The following MYO7B variants were observed in gnomAD, a reference collection of about 807,000 sequenced individuals.
MYO7B encodes the protein unconventional myosin-VIIb.
In MYO7B, 212 loss-of-function variants were observed where a neutral mutation model predicts 259.7. The ratio of observed to expected loss-of-function variants is 0.82; its 90% CI spans 0.73 to 0.91. The LOEUF (loss-of-function observed/expected upper bound fraction) is 0.91. MYO7B is among the 40% of genes least tolerant of loss of function. The pLI is 0.00. For missense variants in MYO7B, 2,732 were observed against 2,813.5 expected (o/e 0.97, Z 0.66); for synonymous variants, 1,197 against 1,166.4 (o/e 1.03, Z -0.54).
At position 127,626,964 on chromosome 2, in the gene MYO7B, T is replaced by TC. The variant is rs779784556; in HGVS notation, c.4216-5dup. 5.6e-6 allele frequency: 9 copies of TC among 1,604,380 alleles called. No homozygotes were observed. The highest frequency in any genetic ancestry group is 6.8e-6 in the Non-Finnish European group (8 of 1,175,196). ...CAGGTGACGGAGGTGACATCCAGGA[T>TC]CCCCCCTCAGGCCCCATACACTCAG... On this transcript the variant is annotated splice_polypyrimidine_tract_variant and intron_variant, in intron 31 of 47. Transcript: ENST00000409816.
chr2:127,603,677 G>A (rs187885284), intron 19 of MYO7B, among the ~76,000 whole-genome samples: 8 of 152,324 alleles, frequency 5.3e-5, no homozygotes, highest in African/African-American at 1.9e-4. Context: ...TGGTCAATTA[G>A]CATTGGCTTC....
chr2:127,577,364 C>T lies in MYO7B; in HGVS notation c.849+656C>T, dbSNP rs904827365. Among the ~76,000 whole-genome samples the T allele has an allele frequency of 6.6e-6, 1 of 152,196 alleles. No homozygotes were observed. Among genetic ancestry groups the T allele is most frequent in the Non-Finnish European group, 1.5e-5 (1 of 68,032 alleles). On this transcript the variant is annotated intron_variant, in intron 8 of 47. Coordinates refer to ENST00000409816, the MANE Select transcript of MYO7B (RefSeq NM_001393586.1). This position sits in a 1 kb window ranked among gnomAD's most constrained non-coding sequence, Gnocchi z 5.2. Reference sequence around the variant, plus strand: ...CCAGTCTTGACCTCTAATCTGTCATCTACCCTGCAGCCAAAGCACTCTTCC... The same window carrying T: ...CCAGTCTTGACCTCTAATCTGTCATTTACCCTGCAGCCAAAGCACTCTTCC...
chr2:127,621,831 A>G, intron 27 of MYO7B, 151 bp from the exon 28 acceptor site: 1 of 1,185,258 alleles, frequency 8.4e-7, no homozygotes, highest in South Asian at 1.4e-5. Flanking sequence ...TCAGAAACAC[A>G]CTGATCCATG....
In MYO7B at chr2:127,635,206, A is replaced by G. The variant is rs201922747; in HGVS notation, c.5800A>G (p.Thr1934Ala). Residue 1934 changes from threonine (T) to alanine (A), a missense_variant, in exon 43 of 48, where the codon ACC becomes GCC. Around this residue, in one of 3 missense-constraint regions of MYO7B, gnomAD observed 821 missense variants for 769.3 expected, o/e 1.07. Coordinates refer to ENST00000409816, the MANE Select transcript of MYO7B (RefSeq NM_001393586.1). Reference protein sequence around the residue: ...ISPGKDVNADTILHYHQELPK... With the variant: ...ISPGKDVNADAILHYHQELPK... ...TCCAGGGAAGGATGTGAATGCAGAC[A>G]CCATACTCCATTACCACCAGGTACC... 3.7e-5 allele frequency: 60 copies of G among 1,613,218 alleles called. No homozygotes were observed. The highest frequency in any genetic ancestry group is 4.8e-5 in the Non-Finnish European group (57 of 1,179,634).
rs1553444532 is a variant in MYO7B, at chr2:127,543,739, C to CCT, written c.-24+7908_-24+7909insCT. ...CTCTCTCTCTCTGTTTCTCTCTCTC[C>CCT]ATATATATATATATTTTTTTTTTGA... On this transcript the variant is annotated intron_variant, in intron 1 of 47. Coordinates refer to ENST00000409816, the MANE Select transcript of MYO7B (RefSeq NM_001393586.1). 1.5e-3 allele frequency among the ~76,000 whole-genome samples: 180 copies of CCT among 120,478 alleles called. 4 individuals carry two copies. The East Asian group carries it at 0.052, about 35-fold the overall frequency. 79.0% of individuals were successfully genotyped at this position (120,478 alleles called of 152,430 possible).
intron 1 of MYO7B, among the ~76,000 whole-genome samples, chr2:127,542,445 C>T (rs1157093163): frequency 6.6e-6 from 1 of 152,210 alleles, no homozygotes; most frequent in Non-Finnish European, 1.5e-5. Context: ...CCATGGCTGG[C>T]TCCCCACTGA....
chr2:127,617,761 C>G (rs1271750850), intron 26 of MYO7B, among the ~76,000 whole-genome samples: 1 of 151,728 alleles, frequency 6.6e-6, no homozygotes, highest in Non-Finnish European at 1.5e-5. Flanking sequence ...CTCGGCCTCC[C>G]AAAGTGCTGG....
At chr2:127,634,087 G>A in intron 40 of MYO7B, 89 bp from the exon 41 acceptor site, 2 of 1,047,234 alleles carry the variant, frequency 1.9e-6, no homozygotes, top group South Asian at 2.9e-5. Flanking sequence ...TTTCATGAAG[G>A]AGCAAAAGTG....
At chr2:127,580,292 A>G (rs749869803) in intron 9 of MYO7B, among the ~76,000 whole-genome samples, 17 of 152,266 alleles carry the variant, frequency 1.1e-4, no homozygotes, top group South Asian at 8.3e-4. Context: ...GACGGTTGCA[A>G]TAGAGCCAGG....
chr2:127,622,849 C>T (rs1345612712), intron 28 of MYO7B, among the ~76,000 whole-genome samples: 1 of 152,208 alleles, frequency 6.6e-6, no homozygotes, highest in Admixed American at 6.5e-5. Flanking sequence ...CCCAAGAGCT[C>T]CTGGTCTTCT....
chr2:127,624,076 C>T lies in MYO7B; in HGVS notation c.3820-17C>T, dbSNP rs1285886833. 1.9e-6 allele frequency: 3 copies of T among 1,545,790 alleles called. No homozygotes were observed. The Admixed American group carries it at 5.8e-5, about 30-fold the overall frequency. On this transcript the variant is annotated splice_polypyrimidine_tract_variant and intron_variant, in intron 29 of 47. Coordinates refer to ENST00000409816, the MANE Select transcript of MYO7B (RefSeq NM_001393586.1). Reference sequence around the variant, plus strand: ...ATGCAACAGCCGCTAACCCCTGCTCCCCGACTCTGGCCTCAGTTCTGGTCC... The same window carrying T: ...ATGCAACAGCCGCTAACCCCTGCTCTCCGACTCTGGCCTCAGTTCTGGTCC...
chr2:127,633,552 C>G (rs1436970628), intron 40 of MYO7B, among the ~76,000 whole-genome samples, 189 bp downstream of exon 40: 1 of 152,204 alleles, frequency 6.6e-6, no homozygotes, highest in African/African-American at 2.4e-5. Context: ...CTTTGGAAGT[C>G]AGGCCAGTCC....
At chr2:127,623,087 C>G in intron 28 of MYO7B, 115 bp from the exon 29 acceptor site, 4 of 1,280,004 alleles carry the variant, frequency 3.1e-6, no homozygotes, top group Non-Finnish European at 4.3e-6. Flanking sequence ...TGGGAACCCA[C>G]GGGATGGCAA....
chr2:127,559,849 T>C lies in MYO7B; in HGVS notation c.18+109T>C. Reference sequence around the variant, plus strand: ...AAGGCAATGAGACCCTATAGGAAAATACCAGAGACAGGGGAGTTTAGGAAA... The same window carrying C: ...AAGGCAATGAGACCCTATAGGAAAACACCAGAGACAGGGGAGTTTAGGAAA... On this transcript the variant is annotated intron_variant, in intron 2 of 47. Transcript: ENST00000409816. The surrounding 1 kb of genome is among the most constrained non-coding windows in gnomAD (Gnocchi z 4.1). 7.7e-7 allele frequency: 1 copy of C among 1,291,404 alleles called. No homozygotes were observed. Among genetic ancestry groups the C allele is most frequent in the Non-Finnish European group, 1.1e-6 (1 of 888,074 alleles). The allele number at this position is 1,291,404 out of a possible 1,614,324, so 80.0% of individuals were successfully genotyped here.
Position 127,636,862 on chromosome 2 carries a change from G to A in MYO7B, c.6276G>A (p.Met2092Ile). The change falls in exon 47 of 48, where the codon ATG becomes ATA. Residue 2092 changes from methionine (M) to isoleucine (I), a missense_variant. Around this residue, in one of 3 missense-constraint regions of MYO7B, gnomAD observed 821 missense variants for 769.3 expected, o/e 1.07. Transcript: ENST00000409816. The surrounding 1 kb of genome is among the most constrained non-coding windows in gnomAD (Gnocchi z 4.5). The stretch of plus-strand genomic sequence containing the variant: ...GCAGCGGCAGCACCTACTTCCACAT[G>A]GCGCTGGGGAGCCTGGGCCGTGGCA... Reference protein sequence around the residue: ...SWSSGSTYFHMALGSLGRGSR... With the variant: ...SWSSGSTYFHIALGSLGRGSR... 6.2e-7 allele frequency: 1 copy of A among 1,613,136 alleles called. No homozygotes were observed. Among genetic ancestry groups the A allele is most frequent in the Non-Finnish European group, 8.5e-7 (1 of 1,179,676 alleles).
rs905526739 is a variant in MYO7B at position 127,597,294 on chromosome 2, T to G, written c.2339+738T>G. 6.6e-6 allele frequency among the ~76,000 whole-genome samples: 1 copy of G among 152,226 alleles called. No individual in the cohort carries two copies. The highest frequency in any genetic ancestry group is 6.5e-5 in the Admixed American group (1 of 15,286). On this transcript the variant is annotated intron_variant, in intron 19 of 47. Coordinates refer to ENST00000409816, the MANE Select transcript of MYO7B (RefSeq NM_001393586.1). The surrounding 1 kb of genome is among the most constrained non-coding windows in gnomAD (Gnocchi z 4.8). The stretch of plus-strand genomic sequence containing the variant: ...CTCCCAACATTTTAAATTAAACTTT[T>G]TGTTTTGAGATTACTGTAGATTTAC...
intron 19 of MYO7B, among the ~76,000 whole-genome samples, chr2:127,599,381 G>A (rs555153772): frequency 2.6e-5 from 4 of 152,294 alleles, no homozygotes; most frequent in Admixed American, 6.5e-5. Flanking sequence ...GGATTTTTGT[G>A]TGTTGACTTC....
rs767122806 is a variant in MYO7B, at chr2:127,610,030, A to C, written c.3192+14A>C. On this transcript the variant is annotated intron_variant, in intron 24 of 47. Transcript: ENST00000409816. Reference sequence around the variant, plus strand: ...AGATCTGCACAGGCAAGTGGGGGGCAGCAGCGGGCAGAGGAGGGCGACACC... The same window carrying C: ...AGATCTGCACAGGCAAGTGGGGGGCCGCAGCGGGCAGAGGAGGGCGACACC... 1.4e-4 allele frequency: 233 copies of C among 1,607,100 alleles called. 1 individual carries two copies. The East Asian group carries it at 5.2e-3, about 36-fold the overall frequency.
At chr2:127,633,172 A>G in intron 39 of MYO7B, 86 bp from the exon 40 acceptor site, 1 of 1,038,174 alleles carries the variant, frequency 9.6e-7, no homozygotes, top group Non-Finnish European at 1.4e-6. Context: ...TGTTTCTGGC[A>G]CATGGTTTAG....
Sources: gnomAD v4.1 joint callset for allele counts (sites outside exome capture counted in the v4.1 genomes callset) on GRCh38, gnomAD v4.1.1 for gene constraint, gnomAD v4.1.1 regional missense constraint, Gnocchi (gnomAD v3.1) non-coding constraint, MANE v1.5 for transcripts, NCBI Gene and HGNC (gene_info 2026-07-23, HGNC 2026-07-21) for gene names.